The following ADGRG2 variants were observed in gnomAD, a reference collection of about 807,000 sequenced individuals.
The protein encoded by ADGRG2 is adhesion G protein-coupled receptor G2.
ADGRG2 carries 26 observed loss-of-function variants against 74.1 expected under a neutral mutation model. That is an observed-to-expected ratio of 0.35 (90% CI 0.26 to 0.49). The LOEUF (loss-of-function observed/expected upper bound fraction) is 0.49. Among genes scored for constraint, ADGRG2 ranks in the 20% least tolerant of loss-of-function variants. ADGRG2 has a pLI of 0.99. For missense variants in ADGRG2, 619 were observed against 763.1 expected, an observed-to-expected ratio of 0.81 and a Z score of 2.22; for synonymous variants, 296 against 295.2, an observed-to-expected ratio of 1.00 and a Z score of -0.03.
At chrX:19,103,308 T>C (rs912318059) in intron 1 of ADGRG2, among the ~76,000 whole-genome samples, 4 of 111,598 alleles carry the variant, frequency 3.6e-5, no homozygotes, top group Non-Finnish European at 7.5e-5. Flanking sequence ...AAGTTACCCT[T>C]TACAGTGTAA....
At chrX:19,066,640 T>C (rs1388027520) in intron 3 of ADGRG2, among the ~76,000 whole-genome samples, 1 of 109,004 alleles carries the variant, frequency 9.2e-6, no homozygotes, top group Non-Finnish European at 1.9e-5. Flanking sequence ...TGTTATTTCA[T>C]TTTTGTAGAG....
intron 1 of ADGRG2, among the ~76,000 whole-genome samples, chrX:19,097,468 G>A (rs186784100): frequency 2.2e-3 from 244 of 112,499 alleles, no homozygotes; most frequent in African/African-American, 7.5e-3. Flanking sequence ...CCGAGATAGC[G>A]CCACTGCACT....
chrX:19,062,767 G>T (rs1213836605), intron 3 of ADGRG2, among the ~76,000 whole-genome samples: 1 of 110,649 alleles, frequency 9.0e-6, no homozygotes, highest in Non-Finnish European at 1.9e-5. Flanking sequence ...TCAGAGAGGG[G>T]AATTATAGAG....
intron 1 of ADGRG2, among the ~76,000 whole-genome samples, chrX:19,110,124 T>G (rs1017636537): frequency 4.5e-5 from 5 of 111,473 alleles, no homozygotes; most frequent in African/African-American, 1.6e-4. Flanking sequence ...ACACCAAAAT[T>G]GAATACTACA....
chrX:19,000,155 G>A (rs1236538867), intron 24 of ADGRG2, among the ~76,000 whole-genome samples, 195 bp from the exon 25 acceptor site: 1 of 110,134 alleles, frequency 9.1e-6, no homozygotes, highest in Non-Finnish European at 1.9e-5. Context: ...CACCATGCCT[G>A]GCTAATTTTT....
intron 22 of ADGRG2, among the ~76,000 whole-genome samples, chrX:19,005,741 C>T (rs777870862): frequency 9.0e-6 from 1 of 110,955 alleles, no homozygotes; most frequent in South Asian, 3.8e-4. Flanking sequence ...TTAGTAGAGA[C>T]GGGGTTTCGC....
At chrX:19,022,264 C>CA (rs112588928) in intron 13 of ADGRG2, among the ~76,000 whole-genome samples, 2 of 94,221 alleles carry the variant, frequency 2.1e-5, no homozygotes, top group Non-Finnish European at 2.1e-5. Flanking sequence ...GACTCCATCT[C>CA]AAAAAAAAAA....
intron 17 of ADGRG2, 102 bp downstream of exon 17, chrX:19,010,511 T>C (rs2060333148): frequency 1.5e-6 from 1 of 669,961 alleles, no homozygotes; most frequent in Admixed American, 2.9e-5. Flanking sequence ...ATGATGTACC[T>C]GGTACTTGGG....
chrX:19,009,474 G>A (rs1214610174), intron 18 of ADGRG2, 152 bp downstream of exon 18: 2 of 516,308 alleles, frequency 3.9e-6, no homozygotes, highest in Non-Finnish European at 6.6e-6. Context: ...CATGGCACCC[G>A]GCTTGATTCT....
intron 3 of ADGRG2, among the ~76,000 whole-genome samples, chrX:19,054,568 G>C (rs918970554): frequency 5.3e-5 from 6 of 112,247 alleles, no homozygotes; most frequent in African/African-American, 1.9e-4. Context: ...AGGATCTTCA[G>C]AATTCTCTAG....
In ADGRG2 at chrX:19,023,954, A is replaced by G; in HGVS notation, c.471-6T>C. 8.6e-7 allele frequency: 1 copy of G among 1,166,040 alleles called. No individual in the cohort carries two copies. The highest frequency in any genetic ancestry group is 1.2e-6 in the Non-Finnish European group (1 of 854,263). On this transcript the variant is annotated splice_polypyrimidine_tract_variant and splice_region_variant and intron_variant, in intron 11 of 28. Transcript: ENST00000379869. The stretch of plus-strand genomic sequence containing the variant: ...TTTTGTTGAGCTCTGAGCGTCTGTA[A>G]TAAAATGAGAGAAATTGACATTAAG...
chrX:19,098,599 T>C (rs753657922), intron 1 of ADGRG2, among the ~76,000 whole-genome samples: 3 of 112,072 alleles, frequency 2.7e-5, no homozygotes, highest in Admixed American at 9.5e-5. Flanking sequence ...ACATCAGTAG[T>C]AGCTCAGTAA....
chrX:19,087,927 A>G (rs2061958726), intron 1 of ADGRG2, among the ~76,000 whole-genome samples: 1 of 110,255 alleles, frequency 9.1e-6, no homozygotes, highest in South Asian at 4.0e-4. Context: ...TGCCACGTGT[A>G]TTCCGGGGGC....
intron 11 of ADGRG2, 48 bp from the exon 12 acceptor site, chrX:19,023,996 T>A (rs748110225): frequency 6.4e-5 from 58 of 911,115 alleles, no homozygotes; most frequent in Non-Finnish European, 8.5e-5. Context: ...ATTAGTGATA[T>A]TAAATTGAAA....
chrX:19,120,157 C>T (rs1213359589), intron 1 of ADGRG2, among the ~76,000 whole-genome samples: 3 of 111,372 alleles, frequency 2.7e-5, no homozygotes, highest in Non-Finnish European at 3.8e-5. Context: ...TCCGGGCTGG[C>T]ATCACGCTGA....
At chrX:19,112,452 T>G (rs761538954) in intron 1 of ADGRG2, among the ~76,000 whole-genome samples, 1 of 110,092 alleles carries the variant, frequency 9.1e-6, no homozygotes. Context: ...AACTACACAG[T>G]GGAGAAATTA....
At chrX:19,040,260 A>C in intron 3 of ADGRG2, 36 bp from the exon 4 acceptor site, 2 of 962,096 alleles carry the variant, frequency 2.1e-6, no homozygotes, top group Non-Finnish European at 3.0e-6. Context: ...AATTAGTTTC[A>C]TGAGGACTAA....
chrX:19,017,173 C>T (rs935442636), intron 15 of ADGRG2, among the ~76,000 whole-genome samples: 4 of 112,054 alleles, frequency 3.6e-5, no homozygotes, highest in African/African-American at 1.3e-4. Context: ...ACCTGAGGAG[C>T]TTGTCAGAAA....
chrX:19,037,024 TC>T (rs1200974453), intron 6 of ADGRG2, among the ~76,000 whole-genome samples: 5 of 111,638 alleles, frequency 4.5e-5, no homozygotes, highest in Non-Finnish European at 9.4e-5. Context: ...GCCATTTTTT[TC>T]CCATTTCATA....
Sources: allele counts gnomAD v4.1 joint callset (sites outside exome capture counted in the v4.1 genomes callset), GRCh38; gene constraint gnomAD v4.1.1; transcripts MANE v1.5; gene names NCBI Gene and HGNC (gene_info 2026-07-23, HGNC 2026-07-21).